KDM3A: variants seen among roughly 807,000 people sequenced by gnomAD.
KDM3A encodes the protein lysine demethylase 3A.
In KDM3A, 60 loss-of-function variants were observed where a neutral mutation model predicts 158.0. The observed-to-expected ratio is 0.38, with a 90% CI of 0.31 to 0.47. The LOEUF (loss-of-function observed/expected upper bound fraction) is 0.47, where lower values mean the gene tolerates loss of function less well. KDM3A is among the 20% of genes least tolerant of loss of function. The pLI is 0.99. For missense variants in KDM3A, 1,319 were observed against 1,574.3 expected (o/e 0.84, Z 2.74); for synonymous variants, 608 against 549.3 (o/e 1.11, Z -1.49).
chr2:86,485,480 T>C (rs756380204), intron 20 of KDM3A, among the ~76,000 whole-genome samples: 6 of 152,234 alleles, frequency 3.9e-5, no homozygotes, highest in Non-Finnish European at 5.9e-5. Flanking sequence ...TAACTTTTTG[T>C]CTAGAATTTA....
chr2:86,491,749 A>G (rs370944561), intron 25 of KDM3A: 4 of 376,890 alleles, frequency 1.1e-5, no homozygotes. Flanking sequence ...GAAAAATGAT[A>G]AAAGCTGTAC....
upstream of KDM3A, among the ~76,000 whole-genome samples, chr2:86,438,378 A>T (rs1682525945): frequency 6.6e-6 from 1 of 152,092 alleles, no homozygotes. Flanking sequence ...TGGTCAAAGG[A>T]CACAAAATTT....
At chr2:86,437,432 C>T (rs180738338), upstream of KDM3A, among the ~76,000 whole-genome samples, 358 of 152,240 alleles carry the variant, frequency 2.4e-3, 3 homozygotes, top group Admixed American at 8.2e-3. Flanking sequence ...TAAGTCACTG[C>T]GCCCGGCTTA....
At chr2:86,474,102 C>A (rs1039279073) in intron 11 of KDM3A, among the ~76,000 whole-genome samples, 4 of 152,172 alleles carry the variant, frequency 2.6e-5, no homozygotes, top group African/African-American at 7.2e-5. Context: ...AACGACTTAA[C>A]TTCTGTAGTA....
chr2:86,466,982 T>C, intron 10 of KDM3A, 99 bp downstream of exon 10: 1 of 1,018,478 alleles, frequency 9.8e-7, no homozygotes, highest in Non-Finnish European at 1.4e-6. Flanking sequence ...AATGACTTTG[T>C]AGAAATAGTT....
chr2:86,458,156 T>G (rs1028775705), intron 8 of KDM3A, among the ~76,000 whole-genome samples: 2 of 152,162 alleles, frequency 1.3e-5, no homozygotes, highest in Admixed American at 6.5e-5. Flanking sequence ...CTGGGTTTCT[T>G]GATTAAGGGC....
At chr2:86,469,410 T>A (rs1558619334) in intron 10 of KDM3A, among the ~76,000 whole-genome samples, 1 of 152,228 alleles carries the variant, frequency 6.6e-6, no homozygotes, top group Non-Finnish European at 1.5e-5. Context: ...TTCTATGAAA[T>A]ACTCCTTAAG....
intron 25 of KDM3A, chr2:86,491,739 G>GA (rs1674466159): frequency 2.8e-6 from 1 of 359,124 alleles, no homozygotes; most frequent in Admixed American, 4.3e-5. Flanking sequence ...GAAAATAAGG[G>GA]AAAAATGATA....
In KDM3A at chr2:86,441,929, C is replaced by G. The variant is rs562131913; in HGVS notation, c.-30-89C>G. 2.1e-5 allele frequency: 22 copies of G among 1,058,540 alleles called. No homozygotes were observed. In the South Asian group the frequency reaches 3.1e-4, roughly 15 times the overall value. The allele number at this position is 1,058,540 out of a possible 1,614,324, so 65.6% of individuals were successfully genotyped here. On this transcript the variant is annotated intron_variant, in intron 1 of 25. Transcript: ENST00000312912. The stretch of plus-strand genomic sequence containing the variant: ...CCGGGGCCGCGTCCTCGCGCGGGTT[C>G]GGCGCCCTCCGCCCGCCCTCCCTGC...
chr2:86,449,669 G>C, intron 2 of KDM3A, 138 bp from the exon 3 acceptor site: 1 of 891,564 alleles, frequency 1.1e-6, no homozygotes, highest in Non-Finnish European at 1.7e-6. Flanking sequence ...CAGGAAGTGA[G>C]GGAGCTGGAA....
chr2:86,470,494 A>G (rs1673355102), intron 11 of KDM3A, 86 bp downstream of exon 11: 4 of 1,133,974 alleles, frequency 3.5e-6, no homozygotes, highest in Non-Finnish European at 5.2e-6. Context: ...TCTTTTATCA[A>G]CAGTAAATCT....
intron 23 of KDM3A, chr2:86,490,370 GT>G (rs1674396127): frequency 6.5e-6 from 1 of 153,056 alleles, no homozygotes; most frequent in South Asian, 2.0e-4. Context: ...GAATCAAAGT[GT>G]TTCTGGCTAA....
chr2:86,491,773 T>C (rs986842842), intron 25 of KDM3A: 5 of 414,200 alleles, frequency 1.2e-5, no homozygotes, highest in African/African-American at 1.0e-4. Flanking sequence ...GGAACTTGCC[T>C]CTCCCTGTAC....
chr2:86,475,067 T>G, intron 12 of KDM3A, 77 bp downstream of exon 12: 5 of 1,173,558 alleles, frequency 4.3e-6, no homozygotes, highest in Non-Finnish European at 6.2e-6. Flanking sequence ...AAGTCCTAAT[T>G]GCTTGGGTTT....
At chr2:86,480,449 T>G in intron 16 of KDM3A, 87 bp downstream of exon 16, 1 of 1,187,678 alleles carries the variant, frequency 8.4e-7, no homozygotes, top group East Asian at 2.5e-5. Flanking sequence ...AGAAGTCGTG[T>G]GGAATGGAAA....
At chr2:86,475,586 G>A (rs1167735043) in intron 12 of KDM3A, among the ~76,000 whole-genome samples, 1 of 152,204 alleles carries the variant, frequency 6.6e-6, no homozygotes, top group African/African-American at 2.4e-5. Flanking sequence ...ATTAGAGCCA[G>A]ACCTCCTTCA....
intron 11 of KDM3A, 132 bp downstream of exon 11, chr2:86,470,540 C>T (rs2104673464): frequency 1.4e-6 from 1 of 695,294 alleles, no homozygotes; most frequent in Non-Finnish European, 2.4e-6. Context: ...CATTTATAAT[C>T]TCTAGGTTGG....
At chr2:86,465,712 T>C (rs1358531330) in intron 9 of KDM3A, among the ~76,000 whole-genome samples, 1 of 152,046 alleles carries the variant, frequency 6.6e-6, no homozygotes, top group Non-Finnish European at 1.5e-5. Context: ...CCTTGCCCAT[T>C]GTTCGTTTTT....
At chr2:86,454,202 T>C (rs1483628899) in intron 4 of KDM3A, among the ~76,000 whole-genome samples, 1 of 152,236 alleles carries the variant, frequency 6.6e-6, no homozygotes, top group East Asian at 1.9e-4. Flanking sequence ...AAATGAGTTG[T>C]TAAAAACAGC....
Sources: gnomAD v4.1 joint callset for allele counts (sites outside exome capture counted in the v4.1 genomes callset) on GRCh38, gnomAD v4.1.1 for gene constraint, MANE v1.5 for transcripts, NCBI Gene and HGNC (gene_info 2026-07-23, HGNC 2026-07-21) for gene names.